The following ARCN1 variants were observed in gnomAD, a reference collection of about 807,000 sequenced individuals.
ARCN1 encodes archain 1 coat protein complex I subunit delta.
Under a neutral mutation model 60.4 loss-of-function variants are expected in ARCN1, and 5 were observed. The ratio of observed to expected loss-of-function variants is 0.08; its 90% CI spans 0.04 to 0.17. The LOEUF (loss-of-function observed/expected upper bound fraction) is 0.17, where lower values mean the gene tolerates loss of function less well. ARCN1 is among the 10% of genes least tolerant of loss of function. The pLI is 1.00. For synonymous variants in ARCN1, 224 were observed against 220.0 expected (o/e 1.02, Z -0.16); for missense variants, 464 against 626.5 (o/e 0.74, Z 2.77).
At chr11:118,595,459 A>C (rs1304405718) in intron 8 of ARCN1, among the ~76,000 whole-genome samples, 1 of 152,220 alleles carries the variant, frequency 6.6e-6, no homozygotes, top group Non-Finnish European at 1.5e-5. Flanking sequence ...TAATCTTGAC[A>C]TGTTTACACT....
intron 5 of ARCN1, among the ~76,000 whole-genome samples, chr11:118,587,366 A>G (rs1242882721): frequency 1.3e-5 from 2 of 152,208 alleles, no homozygotes; most frequent in Non-Finnish European, 2.9e-5. Flanking sequence ...AATAAAAAAC[A>G]TGTATACAGT....
rs782476091 is a variant in ARCN1 at position 118,583,282 on chromosome 11, A to G, written c.371A>G (p.Asn124Ser). 7 of 1,614,176 alleles carry G rather than the reference A, an allele frequency of 4.3e-6. No individual in the cohort carries two copies. Among genetic ancestry groups the G allele is most frequent in the Non-Finnish European group, 5.9e-6 (7 of 1,180,024 alleles). ...ATTGTCGCACTGGGATACCGGGAGAATGTTAACTTGGCACAGATCAGAACC... is the reference window on the plus strand; with the variant it reads ...ATTGTCGCACTGGGATACCGGGAGAGTGTTAACTTGGCACAGATCAGAACC... ...DEIVALGYRE[N>S]VNLAQIRTFT... is the part of the protein sequence containing the mutation. The change falls in exon 3 of 10, where the codon AAT (asparagine) becomes AGT (serine). Residue 124 changes from asparagine (N) to serine (S), a missense_variant. This residue lies in a region of ARCN1 where 105 missense variants were observed against 186.3 expected (regional missense o/e 0.56). Coordinates refer to ENST00000264028, the MANE Select transcript of ARCN1 (RefSeq NM_001655.5).
intron 5 of ARCN1, among the ~76,000 whole-genome samples, chr11:118,589,499 G>A (rs782654153): frequency 2.6e-5 from 4 of 151,876 alleles, no homozygotes; most frequent in East Asian, 3.9e-4. Context: ...GCACCATCTC[G>A]GCTCACTGCA....
Position 118,601,570 on chromosome 11 carries a change from C to T in ARCN1, c.*856C>T. 2.9e-6 allele frequency: 2 copies of T among 696,452 alleles called. No homozygotes were observed. Among genetic ancestry groups the T allele is most frequent in the East Asian group, 2.7e-5 (1 of 37,168 alleles). 43.1% of individuals were successfully genotyped at this position (696,452 alleles called of 1,614,324 possible). On this transcript the variant is annotated 3_prime_UTR_variant, in exon 10 of 10. Transcript: ENST00000264028. Reference sequence around the variant, plus strand: ...GCACTCCTGGAACAAGTATATCTAACCCATTCTTGATTTTTGGACTATTCA... The same window carrying T: ...GCACTCCTGGAACAAGTATATCTAATCCATTCTTGATTTTTGGACTATTCA...
At chr11:118,598,984 G>C (rs1555077685) in intron 9 of ARCN1, among the ~76,000 whole-genome samples, 1 of 151,782 alleles carries the variant, frequency 6.6e-6, no homozygotes, top group Non-Finnish European at 1.5e-5. Flanking sequence ...AGTAGAGACA[G>C]GGTTTCACCA....
intron 3 of ARCN1, 139 bp downstream of exon 3, chr11:118,583,497 T>C: frequency 9.2e-7 from 1 of 1,081,848 alleles, no homozygotes; most frequent in African/African-American, 1.6e-5. Context: ...CTCATGTCTG[T>C]AATCTCAGCA....
At chr11:118,586,909 G>A (rs906149392) in intron 5 of ARCN1, among the ~76,000 whole-genome samples, 2 of 150,080 alleles carry the variant, frequency 1.3e-5, no homozygotes, top group East Asian at 3.9e-4. Context: ...GAGAATTTGA[G>A]ACACTGTTTT....
At chr11:118,575,781 G>C (rs1390623284) in intron 1 of ARCN1, among the ~76,000 whole-genome samples, 2 of 152,164 alleles carry the variant, frequency 1.3e-5, no homozygotes, top group Non-Finnish European at 2.9e-5. Context: ...TTTTGAGAGA[G>C]AGTTGTGCAT....
intron 5 of ARCN1, among the ~76,000 whole-genome samples, chr11:118,587,985 G>A (rs1938814471): frequency 6.6e-6 from 1 of 152,198 alleles, no homozygotes; most frequent in South Asian, 2.1e-4. Context: ...GTCTGGGAGG[G>A]TCTTGAGCAC....
At chr11:118,598,291 C>T (rs1250382859) in intron 9 of ARCN1, among the ~76,000 whole-genome samples, 1 of 151,214 alleles carries the variant, frequency 6.6e-6, no homozygotes, top group East Asian at 1.9e-4. Context: ...TGATTTATAC[C>T]CAAAGAATGA....
chr11:118,596,497 CAGAATT>C (rs1365621516), intron 8 of ARCN1, among the ~76,000 whole-genome samples: 7 of 152,162 alleles, frequency 4.6e-5, no homozygotes, highest in African/African-American at 1.7e-4. Context: ...AGATCAGAAT[CAGAATT>C]AGAGCAAGGG....
At chr11:118,575,061 T>C (rs1938457155) in intron 1 of ARCN1, among the ~76,000 whole-genome samples, 1 of 152,124 alleles carries the variant, frequency 6.6e-6, no homozygotes, top group Admixed American at 6.6e-5. Context: ...TCACTGCAAC[T>C]TCTGCCTCCC....
At position 118,583,962 on chromosome 11, in the gene ARCN1, A is replaced by G. The variant is rs1555075072; in HGVS notation, c.601A>G (p.Thr201Ala). 1.2e-6 allele frequency: 2 copies of G among 1,614,218 alleles called. No individual in the cohort carries two copies. The highest frequency in any genetic ancestry group is 2.2e-5 in the East Asian group (1 of 44,886). Reference protein sequence around the residue: ...VSGGSTAAMITETIIETDKPK... With the variant: ...VSGGSTAAMIAETIIETDKPK... ...TGGAGGCAGCACAGCTGCCATGATC[A>G]CAGAGACCATCATTGAAACTGATAA... The change falls in exon 4 of 10, where the codon ACA (threonine) becomes GCA (alanine). Residue 201 changes from threonine to alanine, a missense_variant. Physicochemically the swap from Thr to Ala is moderately conservative, Grantham distance 58 (BLOSUM62 0). This residue lies in a region of ARCN1 where 359 missense variants were observed against 440.2 expected (regional missense o/e 0.82). Coordinates refer to ENST00000264028, the MANE Select transcript of ARCN1 (RefSeq NM_001655.5).
chr11:118,592,888 G>T (rs1938944383), intron 7 of ARCN1, 32 bp downstream of exon 7: 1 of 1,587,500 alleles, frequency 6.3e-7, no homozygotes, highest in African/African-American at 1.3e-5. Flanking sequence ...CACTAAGCTA[G>T]TTTGCATTGA....
intron 1 of ARCN1, among the ~76,000 whole-genome samples, chr11:118,575,136 G>A (rs1050490618): frequency 2.6e-5 from 4 of 151,906 alleles, no homozygotes; most frequent in East Asian, 3.8e-4. Flanking sequence ...CTGCCACCAC[G>A]CCCAACTACT....
At chr11:118,599,092 C>T (rs1415103313) in intron 9 of ARCN1, among the ~76,000 whole-genome samples, 3 of 148,022 alleles carry the variant, frequency 2.0e-5, no homozygotes, top group Admixed American at 6.7e-5. Flanking sequence ...CCACGCCTGG[C>T]GGATTTTTTT....
chr11:118,588,769 A>G (rs1938830835), intron 5 of ARCN1, among the ~76,000 whole-genome samples: 1 of 151,962 alleles, frequency 6.6e-6, no homozygotes, highest in African/African-American at 2.4e-5. Context: ...TGTAATCCCA[A>G]CACTTCGGGA....
intron 9 of ARCN1, 122 bp downstream of exon 9, chr11:118,598,033 T>C: frequency 1.2e-6 from 1 of 853,146 alleles, no homozygotes; most frequent in East Asian, 2.6e-5. Flanking sequence ...AAAACTGATG[T>C]CTCCTACAGG....
At position 118,602,938 on chromosome 11, in the gene ARCN1, T is replaced by C. The variant is rs1196678934; in HGVS notation, c.*2224T>C. 1 of 153,766 alleles carries C rather than the reference T, an allele frequency of 6.5e-6. No homozygotes were observed. The highest frequency in any genetic ancestry group is 1.5e-5 in the Non-Finnish European group (1 of 68,042). The allele number at this position is 153,766 out of a possible 1,614,324, so 9.5% of individuals were successfully genotyped here. ...GCGCATTATAAAATGAGATGTTTAT[T>C]GGATTATTGACTCACTTTGGTGTCT... On this transcript the variant is annotated 3_prime_UTR_variant, in exon 10 of 10. Transcript: ENST00000264028.
Sources: allele counts gnomAD v4.1 joint callset (sites outside exome capture counted in the v4.1 genomes callset), GRCh38; gene constraint gnomAD v4.1.1; regional missense constraint gnomAD v4.1.1; transcripts MANE v1.5; gene names NCBI Gene and HGNC (gene_info 2026-07-23, HGNC 2026-07-21).